USH2A: variants seen among roughly 807,000 people sequenced by gnomAD.
USH2A encodes Usher syndrome 2A (autosomal recessive, mild).
USH2A carries 443 observed loss-of-function variants against 538.9 expected under a neutral mutation model. That is an observed-to-expected ratio of 0.82 (90% CI 0.76 to 0.89). The LOEUF (loss-of-function observed/expected upper bound fraction) is 0.89. USH2A is among the 40% of genes least tolerant of loss of function. USH2A has a pLI of 0.00. For missense variants in USH2A, 6,633 were observed against 6,324.8 expected, an observed-to-expected ratio of 1.05 and a Z score of -1.65; for synonymous variants, 2,413 against 2,273.5, an observed-to-expected ratio of 1.06 and a Z score of -1.75.
At chr1:215,645,408 G>A (rs1656814380) in intron 67 of USH2A, among the ~76,000 whole-genome samples, 1 of 152,044 alleles carries the variant, frequency 6.6e-6, no homozygotes, top group Non-Finnish European at 1.5e-5. Context: ...TTAGGGCCAC[G>A]TCACTGTCTA....
intron 64 of USH2A, among the ~76,000 whole-genome samples, chr1:215,651,390 G>C (rs1260810460): frequency 6.6e-6 from 1 of 152,190 alleles, no homozygotes; most frequent in Non-Finnish European, 1.5e-5. Context: ...ATGTGTGAGT[G>C]TATAGGGTTA....
intron 11 of USH2A, among the ~76,000 whole-genome samples, chr1:216,267,817 C>G (rs535537227): frequency 3.9e-5 from 6 of 152,196 alleles, no homozygotes; most frequent in Admixed American, 3.9e-4. Flanking sequence ...GGGCCAGAAC[C>G]TTTTGCACCT....
At chr1:215,740,108 C>G (rs1200489450) in intron 60 of USH2A, among the ~76,000 whole-genome samples, 1 of 152,154 alleles carries the variant, frequency 6.6e-6, no homozygotes, top group Non-Finnish European at 1.5e-5. Flanking sequence ...AGGTTATTTG[C>G]CCCCTTGGCT....
At chr1:215,631,059 C>G (rs370533747) in intron 70 of USH2A, among the ~76,000 whole-genome samples, 1 of 152,200 alleles carries the variant, frequency 6.6e-6, no homozygotes, top group Non-Finnish European at 1.5e-5. Flanking sequence ...AAAAGACACT[C>G]TCATTCCTTG....
At chr1:215,753,901 A>G (rs1660705057) in intron 58 of USH2A, among the ~76,000 whole-genome samples, 1 of 152,212 alleles carries the variant, frequency 6.6e-6, no homozygotes, top group African/African-American at 2.4e-5. Context: ...CTGGGCTACT[A>G]TTTCAAACAT....
intron 44 of USH2A, among the ~76,000 whole-genome samples, chr1:215,866,738 C>T (rs949581964): frequency 6.6e-6 from 1 of 152,116 alleles, no homozygotes; most frequent in African/African-American, 2.4e-5. Context: ...AGAACAATGT[C>T]AAAGTAGGAG....
intron 32 of USH2A, among the ~76,000 whole-genome samples, chr1:216,009,484 G>C (rs1245582925): frequency 6.6e-6 from 1 of 151,992 alleles, no homozygotes; most frequent in African/African-American, 2.4e-5. Flanking sequence ...ATAGGCAAAC[G>C]GTCTGAGGTG....
At chr1:216,151,758 G>A (rs1185516075) in intron 21 of USH2A, among the ~76,000 whole-genome samples, 1 of 152,136 alleles carries the variant, frequency 6.6e-6, no homozygotes, top group Admixed American at 6.5e-5. Context: ...CTGGCCTGGT[G>A]TATGACAACA....
intron 32 of USH2A, among the ~76,000 whole-genome samples, chr1:216,014,085 AAGAG>A (rs35678269): frequency 5.5e-5 from 8 of 145,288 alleles, no homozygotes; most frequent in Admixed American, 1.4e-4. Flanking sequence ...AGCATGAAAA[AAGAG>A]AGAGAGAGAG....
intron 4 of USH2A, among the ~76,000 whole-genome samples, chr1:216,344,067 T>C (rs76049338): frequency 0.014 from 2,096 of 152,206 alleles, 45 homozygotes; most frequent in African/African-American, 0.049. Flanking sequence ...TTTAAGATGT[T>C]CTTAGATACA....
chr1:216,386,480 G>C (rs924311049), intron 3 of USH2A, among the ~76,000 whole-genome samples: 1 of 115,104 alleles, frequency 8.7e-6, no homozygotes, highest in African/African-American at 3.2e-5. Context: ...AGCGAGACTC[G>C]TCTCAAAAAA....
At chr1:216,351,383 T>C (rs953829327) in intron 4 of USH2A, among the ~76,000 whole-genome samples, 2 of 152,100 alleles carry the variant, frequency 1.3e-5, no homozygotes, top group South Asian at 2.1e-4. Context: ...GCCTGATGGA[T>C]ATCAGGAGGT....
chr1:215,746,655 A>T (rs1195474728), intron 58 of USH2A, among the ~76,000 whole-genome samples: 6 of 152,194 alleles, frequency 3.9e-5, no homozygotes, highest in Non-Finnish European at 7.3e-5. Context: ...TCAGTTTAAT[A>T]TTAGAAGTGT....
At position 216,199,894 on chromosome 1, in the gene USH2A, A is replaced by C. The variant is rs2034943469; in HGVS notation, c.3544T>G (p.Tyr1182Asp). ...LSNQSGPIEKYILSCAPLAGG... is the reference protein window; with the variant it reads ...LSNQSGPIEKDILSCAPLAGG... ...GCCAAAGGGGCACAGGACAAAATAT[A>C]TTTCTCTATGGGACCAGATTGATTT... is the stretch of plus-strand genomic sequence containing the variant. The change falls in exon 17 of 72, where the codon TAT becomes GAT. Residue 1182 changes from tyrosine to aspartate, a missense_variant. Physicochemically the swap from Tyr to Asp is radical, Grantham distance 160. Coordinates refer to ENST00000307340, the MANE Select transcript of USH2A (RefSeq NM_206933.4). 6.2e-7 allele frequency: 1 copy of C among 1,614,004 alleles called. No individual in the cohort carries two copies. The highest frequency in any genetic ancestry group is 8.5e-7 in the Non-Finnish European group (1 of 1,180,008).
At chr1:216,097,045 A>G in intron 22 of USH2A, 38 bp downstream of exon 22, 1 of 1,580,600 alleles carries the variant, frequency 6.3e-7, no homozygotes, top group Non-Finnish European at 8.6e-7. Context: ...CACCTACTAA[A>G]TTCTTAAAAA....
At chr1:216,102,695 G>A (rs538760971) in intron 21 of USH2A, among the ~76,000 whole-genome samples, 2 of 152,230 alleles carry the variant, frequency 1.3e-5, no homozygotes, top group South Asian at 2.1e-4. Context: ...AGCTACTCGG[G>A]AGGCTGAGCC....
At chr1:216,227,860 T>C (rs1306450931) in intron 14 of USH2A, among the ~76,000 whole-genome samples, 1 of 152,144 alleles carries the variant, frequency 6.6e-6, no homozygotes, top group Non-Finnish European at 1.5e-5. Flanking sequence ...CAGATCAGCA[T>C]AGGCACATGA....
At chr1:215,791,852 A>G (rs1661992670) in intron 50 of USH2A, among the ~76,000 whole-genome samples, 1 of 152,224 alleles carries the variant, frequency 6.6e-6, no homozygotes, top group Admixed American at 6.5e-5. Context: ...ATGTGTATAT[A>G]TACACACACA....
intron 3 of USH2A, among the ~76,000 whole-genome samples, chr1:216,397,104 A>G (rs1188617141): frequency 2.0e-5 from 3 of 152,244 alleles, no homozygotes. Flanking sequence ...ATCACAGGCA[A>G]TAAAGTATGT....
Sources: allele counts gnomAD v4.1 joint callset (sites outside exome capture counted in the v4.1 genomes callset), GRCh38; gene constraint gnomAD v4.1.1; transcripts MANE v1.5; gene names NCBI Gene and HGNC (gene_info 2026-07-23, HGNC 2026-07-21).